The following CRB1 variants were observed in gnomAD, a reference collection of about 807,000 sequenced individuals.
CRB1 encodes crumbs cell polarity complex component 1.
CRB1 carries 83 observed loss-of-function variants against 120.0 expected under a neutral mutation model. The observed-to-expected ratio is 0.69, with a 90% confidence interval of 0.58 to 0.83. The LOEUF is 0.83. Ranked by LOEUF, CRB1 falls within the 40% of genes least tolerant of loss-of-function variation. The pLI, the probability that CRB1 is intolerant of heterozygous loss-of-function variation, is 0.00. For synonymous variants in CRB1, 625 were observed against 612.5 expected, an observed-to-expected ratio of 1.02 and a Z score of -0.30; for missense variants, 1,699 against 1,687.6, an observed-to-expected ratio of 1.01 and a Z score of -0.12.
Position 197,344,281 on chromosome 1 carries a change from G to A in CRB1, c.653G>A (p.Gly218Asp), listed in dbSNP as rs1487467011. 1 of 1,614,068 alleles carries A rather than the reference G, an allele frequency of 6.2e-7. No homozygotes were observed. The highest frequency in any genetic ancestry group is 1.1e-5 in the South Asian group (1 of 91,078). ...TTTTCTGTGCTGACTTTTTTAAAAG[G>A]TGTAAACTGTGAATTGGAAATTGAC... Reference protein sequence around the residue: ...YTCICPHNYSGVNCELEIDEC... With the variant: ...YTCICPHNYSDVNCELEIDEC... The change falls in exon 3 of 12, where the codon GGT (glycine) becomes GAT (aspartate). Residue 218 changes from glycine (G) to aspartate (D), a missense_variant and splice_region_variant. Gly to Asp is a moderately conservative substitution (Grantham distance 94). Coordinates refer to ENST00000367400, the MANE Select transcript of CRB1 (RefSeq NM_201253.3).
chr1:197,302,962 T>C (rs1157162212), intron 1 of CRB1, among the ~76,000 whole-genome samples: 1 of 152,146 alleles, frequency 6.6e-6, no homozygotes, highest in African/African-American at 2.4e-5. Flanking sequence ...ATCACACATA[T>C]TTCCTGAATG....
chr1:197,362,705 A>G (rs1660836512), intron 5 of CRB1, among the ~76,000 whole-genome samples: 1 of 152,126 alleles, frequency 6.6e-6, no homozygotes, highest in Non-Finnish European at 1.5e-5. Flanking sequence ...TAAAAAAATT[A>G]TATTTACACA....
intron 5 of CRB1, among the ~76,000 whole-genome samples, chr1:197,380,434 A>G (rs1571434170): frequency 6.6e-6 from 1 of 152,156 alleles, no homozygotes; most frequent in East Asian, 1.9e-4. Flanking sequence ...GTGGTCATTC[A>G]CTTAAGAAGA....
At chr1:197,410,638 T>C (rs1663660271) in intron 5 of CRB1, among the ~76,000 whole-genome samples, 1 of 152,234 alleles carries the variant, frequency 6.6e-6, no homozygotes, top group Admixed American at 6.5e-5. Context: ...TGTGACAAAA[T>C]TATGAATTTA....
At chr1:197,436,824 C>A (rs1235914340) in intron 9 of CRB1, among the ~76,000 whole-genome samples, 1 of 152,074 alleles carries the variant, frequency 6.6e-6, no homozygotes, top group Non-Finnish European at 1.5e-5. Context: ...CAGACCACTG[C>A]AAAAGTGGAT....
chr1:197,229,951 A>G, the CRB1 span, among the ~76,000 whole-genome samples: 5 of 152,248 alleles, frequency 3.3e-5, no homozygotes, highest in Admixed American at 6.5e-5. Flanking sequence ...AGATTCAGCC[A>G]TATGTAATAA....
chr1:197,400,493 T>A (rs1165400646), intron 5 of CRB1, among the ~76,000 whole-genome samples: 3 of 150,708 alleles, frequency 2.0e-5, no homozygotes, highest in Non-Finnish European at 4.4e-5. Flanking sequence ...TTGATGATGA[T>A]GATGATGATG....
chr1:197,443,507 T>A (rs972247108), intron 11 of CRB1: 4 of 152,084 alleles, frequency 2.6e-5, no homozygotes, highest in Admixed American at 6.5e-5. Flanking sequence ...TGCTTTTCAA[T>A]GAATATTTAA....
chr1:197,228,779 C>A, the CRB1 span, among the ~76,000 whole-genome samples: 1 of 152,090 alleles, frequency 6.6e-6, no homozygotes, highest in Admixed American at 6.6e-5. Context: ...AAGACATACC[C>A]TAGACTGGGA....
At chr1:197,360,013 C>T (rs1300599363) in intron 5 of CRB1, among the ~76,000 whole-genome samples, 1 of 149,728 alleles carries the variant, frequency 6.7e-6, no homozygotes, top group African/African-American at 2.4e-5. Flanking sequence ...TGAGGTTATA[C>T]CTAAGTATTT....
chr1:197,278,030 G>A (rs548352952), intron 1 of CRB1, among the ~76,000 whole-genome samples: 6 of 151,944 alleles, frequency 3.9e-5, no homozygotes, highest in African/African-American at 9.6e-5. Context: ...TTCCCACCAC[G>A]TACTGTGTGC....
chr1:197,209,546 C>T, the CRB1 span, among the ~76,000 whole-genome samples: 1 of 152,014 alleles, frequency 6.6e-6, no homozygotes, highest in African/African-American at 2.4e-5. Flanking sequence ...CAGGGTTTCC[C>T]CATGTTGGCC....
intron 2 of CRB1, among the ~76,000 whole-genome samples, chr1:197,340,874 G>T (rs1267824958): frequency 6.6e-6 from 1 of 152,110 alleles, no homozygotes. Context: ...CCTAGACTGG[G>T]TGATTTATTT....
Position 197,462,474 on chromosome 1 carries a change from A to G in CRB1, c.4006-15190A>G, listed in dbSNP as rs151263383. Among the ~76,000 whole-genome samples the G allele has an allele frequency of 3.8e-3, 580 of 152,262 alleles. 8 individuals are homozygous for G. Among genetic ancestry groups the G allele is most frequent in the African/African-American group, 0.013 (557 of 41,544 alleles). On this transcript the variant is annotated intron_variant, in intron 11 of 11. Transcript: ENST00000367400. ...GTTCCCCTATGCTTCTGGAAACATT[A>G]AATCCTCTTGGCAATGGGTGACATG... is the stretch of plus-strand genomic sequence containing the variant.
intron 1 of CRB1, 85 bp from the exon 2 acceptor site, chr1:197,328,337 G>A: frequency 9.2e-7 from 1 of 1,089,686 alleles, no homozygotes; most frequent in South Asian, 1.4e-5. Context: ...GAGTTTGGTT[G>A]AGGCAGCACA....
chr1:197,403,563 G>T (rs917486328), intron 5 of CRB1, among the ~76,000 whole-genome samples: 1 of 152,090 alleles, frequency 6.6e-6, no homozygotes, highest in Non-Finnish European at 1.5e-5. Flanking sequence ...GACCAGTGAA[G>T]TGAAGAAGTG....
At chr1:197,461,397 A>C (rs752617982) in intron 11 of CRB1, among the ~76,000 whole-genome samples, 1 of 152,084 alleles carries the variant, frequency 6.6e-6, no homozygotes, top group Non-Finnish European at 1.5e-5. Flanking sequence ...GAGAAAATGC[A>C]CACCTTTGTA....
At position 197,462,355 on chromosome 1, in the gene CRB1, G is replaced by T. The variant is rs118118544; in HGVS notation, c.4006-15309G>T. On this transcript the variant is annotated intron_variant, in intron 11 of 11. Coordinates refer to ENST00000367400, the MANE Select transcript of CRB1 (RefSeq NM_201253.3). The stretch of plus-strand genomic sequence containing the variant: ...TAATAAATGATTTAAATTATTTTCA[G>T]GCCATTTTTACATTAATCTATAAGG... Among the ~76,000 whole-genome samples the T allele has an allele frequency of 7.1e-4, 108 of 152,154 alleles. No homozygotes were observed. The East Asian group carries it at 0.02, about 28-fold the overall frequency.
intron 5 of CRB1, among the ~76,000 whole-genome samples, chr1:197,395,565 A>G (rs549886662): frequency 6.3e-4 from 96 of 152,100 alleles, no homozygotes; most frequent in Admixed American, 1.4e-3. Context: ...CCCTCTCCCT[A>G]TAATTTTTAG....
Sources: gnomAD v4.1 joint callset for allele counts (sites outside exome capture counted in the v4.1 genomes callset) on GRCh38, gnomAD v4.1.1 for gene constraint, MANE v1.5 for transcripts, NCBI Gene and HGNC (gene_info 2026-07-23, HGNC 2026-07-21) for gene names.